The following ASB13 variants were observed in gnomAD, a reference collection of about 807,000 sequenced individuals.
The protein encoded by ASB13 is ankyrin repeat and SOCS box protein 13.
Under a neutral mutation model 28.8 loss-of-function variants are expected in ASB13, and 33 were observed. That is an observed-to-expected ratio of 1.15 (90% confidence interval 0.87 to 1.53). The LOEUF is 1.53. ASB13 is among the 40% of genes most tolerant of loss of function. The probability of loss-of-function intolerance (pLI) is 0.00; values close to 1 mark genes in which losing one functional copy is unlikely to be tolerated. For synonymous variants in ASB13, 182 were observed against 172.9 expected, an observed-to-expected ratio of 1.05 and a Z score of -0.41; for missense variants, 414 against 390.1, an observed-to-expected ratio of 1.06 and a Z score of -0.52.
chr10:5,649,764 G>A lies in ASB13; in HGVS notation c.383-660C>T, dbSNP rs567411409. On this transcript the variant is annotated intron_variant, in intron 3 of 5. Coordinates refer to ENST00000357700, the MANE Select transcript of ASB13 (RefSeq NM_024701.4). This position sits in a 1 kb window ranked among gnomAD's most constrained non-coding sequence, Gnocchi z 6.4. ...TGGTCTCAAACTCCTGACCTCAGGT[G>A]ATCCGCCCACCTCAGCCTCCCAAAG... 1.7e-4 allele frequency among the ~76,000 whole-genome samples: 26 copies of A among 152,174 alleles called. No homozygotes were observed. In the South Asian group the frequency reaches 5.4e-3, roughly 32 times the overall value.
rs1448408388 is a variant in ASB13, at chr10:5,661,214, C to T, written c.43+5295G>A. ...GGCCCCTGCACACTGCAGAGCTGGG[C>T]ACCTCCAGAGCCCATCCTCCACACT... On this transcript the variant is annotated intron_variant, in intron 1 of 5. Coordinates refer to ENST00000357700, the MANE Select transcript of ASB13 (RefSeq NM_024701.4). The surrounding 1 kb of genome is among the most constrained non-coding windows in gnomAD (Gnocchi z 4.9). Among the ~76,000 whole-genome samples, 3 of 152,234 alleles carry T rather than the reference C, an allele frequency of 2.0e-5. No homozygotes were observed. In the South Asian group the frequency reaches 6.2e-4, roughly 32 times the overall value.
rs772823016 is a variant in ASB13, at chr10:5,652,904, G to A, written c.190C>T (p.Gln64Ter). ...TPLHAASLQG[Q>*]ARCVQLLLAA... Reference sequence around the variant, plus strand: ...AGCAGCAGCTGCACACACCGCGCCTGGCCCTGCAGACTGGCTGCGTGCAGG... The same window carrying A: ...AGCAGCAGCTGCACACACCGCGCCTAGCCCTGCAGACTGGCTGCGTGCAGG... Residue 64 changes from glutamine to a stop codon, truncating the protein, a stop_gained, in exon 2 of 6, where the codon CAG (glutamine) becomes TAG (stop). Transcript: ENST00000357700. LOFTEE classifies it high-confidence loss of function. The surrounding 1 kb of genome is among the most constrained non-coding windows in gnomAD (Gnocchi z 5.0). 6 of 1,583,668 alleles carry A rather than the reference G, an allele frequency of 3.8e-6. No individual in the cohort carries two copies. The African/African-American group carries it at 6.7e-5, about 18-fold the overall frequency.
At position 5,662,564 on chromosome 10, in the gene ASB13, G is replaced by A. The variant is rs369574225; in HGVS notation, c.43+3945C>T. Among the ~76,000 whole-genome samples, 132 of 19,070 alleles carry A rather than the reference G, an allele frequency of 6.9e-3. 5 individuals are homozygous for A. Among genetic ancestry groups the A allele is most frequent in the South Asian group, 0.021 (8 of 388 alleles). 12.5% of individuals were successfully genotyped at this position (19,070 alleles called of 152,430 possible). On this transcript the variant is annotated intron_variant, in intron 1 of 5. Transcript: ENST00000357700. ...GGGAGGGGAGGGGAGGGGAGGGGAG[G>A]GGAGAAGAGAAGAGAAGAGAAGAGA...
rs1015946297 is a variant in ASB13, at chr10:5,652,307, C to G, written c.231+556G>C. ...GAACTCTGAGACCAGGTCCCTGTGT[C>G]ACTTATACATTGGCCAGGGGTGTGC... On this transcript the variant is annotated intron_variant, in intron 2 of 5. Coordinates refer to ENST00000357700, the MANE Select transcript of ASB13 (RefSeq NM_024701.4). The surrounding 1 kb of genome is among the most constrained non-coding windows in gnomAD (Gnocchi z 5.0). Among the ~76,000 whole-genome samples the G allele has an allele frequency of 2.0e-5, 3 of 152,300 alleles. No homozygotes were observed. Among genetic ancestry groups the G allele is most frequent in the South Asian group, 4.1e-4 (2 of 4,826 alleles).
rs1835126027 is a variant in ASB13 at position 5,659,541 on chromosome 10, T to C, written c.44-6491A>G. Among the ~76,000 whole-genome samples, 1 of 152,196 alleles carries C rather than the reference T, an allele frequency of 6.6e-6. No homozygotes were observed. Among genetic ancestry groups the C allele is most frequent in the Non-Finnish European group, 1.5e-5 (1 of 68,030 alleles). On this transcript the variant is annotated intron_variant, in intron 1 of 5. Coordinates refer to ENST00000357700, the MANE Select transcript of ASB13 (RefSeq NM_024701.4). The surrounding 1 kb of genome is among the most constrained non-coding windows in gnomAD (Gnocchi z 5.8). ...TGCAAGTCCCATGCTTTGCGTATGC[T>C]GTTCCTTCCCCTGCCTGGAAAGCTC...
chr10:5,653,200 C>T (rs1835017719), intron 1 of ASB13, 150 bp from the exon 2 acceptor site: 3 of 883,240 alleles, frequency 3.4e-6, no homozygotes, highest in African/African-American at 3.4e-5. Flanking sequence ...CCCTGAGCCA[C>T]CCCCACTGCC....
In ASB13 at chr10:5,651,171, T is replaced by G. The variant is rs557399330; in HGVS notation, c.382+42A>C. ...CTTTAATCCCAGAAAGGAGGAAACT[T>G]CCAGAGCCCAGCTGGGCCAGCCCAG... On this transcript the variant is annotated intron_variant, in intron 3 of 5. Transcript: ENST00000357700. The surrounding 1 kb of genome is among the most constrained non-coding windows in gnomAD (Gnocchi z 5.1). 2.6e-6 allele frequency: 4 copies of G among 1,557,222 alleles called. No homozygotes were observed. The South Asian group carries it at 3.6e-5, about 14-fold the overall frequency.
chr10:5,646,688 G>C (rs1420691500), intron 4 of ASB13, among the ~76,000 whole-genome samples: 3 of 152,182 alleles, frequency 2.0e-5, no homozygotes, highest in African/African-American at 7.2e-5. Context: ...GTGGCTTCCT[G>C]TTACTCGCAA....
At chr10:5,666,468 C>T (rs1316915323) in intron 1 of ASB13, 41 bp downstream of exon 1, 2 of 1,278,840 alleles carry the variant, frequency 1.6e-6, no homozygotes, top group Admixed American at 3.6e-5. Context: ...CAGGAGCCGG[C>T]GCCGCTGCCT....
chr10:5,640,430 G>A lies in ASB13; in HGVS notation c.*273C>T, dbSNP rs944188312. ...GGATGGTCCGTAAAAGAGGAAAACT[G>A]GATGGTTGGGCCCATGCCCATTGAG... On this transcript the variant is annotated 3_prime_UTR_variant, in exon 6 of 6. Coordinates refer to ENST00000357700, the MANE Select transcript of ASB13 (RefSeq NM_024701.4). The A allele has an allele frequency of 1.6e-5, 6 of 366,168 alleles. No individual in the cohort carries two copies. The highest frequency in any genetic ancestry group is 1.2e-4 in the African/African-American group (6 of 48,222). 22.7% of individuals were successfully genotyped at this position (366,168 alleles called of 1,614,324 possible).
rs944977425 is a variant in ASB13 at position 5,649,285 on chromosome 10, C to T, written c.383-181G>A. ...GCATGGCCCTCAGGAAGCCAGGACA[C>T]GGCTCTGCGCCCCGCTGAGGACGGA... On this transcript the variant is annotated intron_variant, in intron 3 of 5. Coordinates refer to ENST00000357700, the MANE Select transcript of ASB13 (RefSeq NM_024701.4). This position sits in a 1 kb window ranked among gnomAD's most constrained non-coding sequence, Gnocchi z 6.4. Among the ~76,000 whole-genome samples, 6 of 152,192 alleles carry T rather than the reference C, an allele frequency of 3.9e-5. No individual in the cohort carries two copies. The highest frequency in any genetic ancestry group is 5.9e-5 in the Non-Finnish European group (4 of 68,038).
chr10:5,641,996 G>A lies in ASB13; in HGVS notation c.518-35C>T. ...AAGAGTGCAGAAGAGATTTCACCAA[G>A]AAGAGAACTTGAAGTCAGGGGGACA... On this transcript the variant is annotated intron_variant, in intron 4 of 5. Transcript: ENST00000357700. This position sits in a 1 kb window ranked among gnomAD's most constrained non-coding sequence, Gnocchi z 8.4. 1 of 1,581,690 alleles carries A rather than the reference G, an allele frequency of 6.3e-7. No homozygotes were observed. Among genetic ancestry groups the A allele is most frequent in the Non-Finnish European group, 8.7e-7 (1 of 1,154,416 alleles).
At position 5,644,688 on chromosome 10, in the gene ASB13, C is replaced by T. The variant is rs1588507876; in HGVS notation, c.518-2727G>A. 6.6e-6 allele frequency among the ~76,000 whole-genome samples: 1 copy of T among 151,968 alleles called. No homozygotes were observed. The highest frequency in any genetic ancestry group is 1.5e-5 in the Non-Finnish European group (1 of 68,008). On this transcript the variant is annotated intron_variant, in intron 4 of 5. Transcript: ENST00000357700. The surrounding 1 kb of genome is among the most constrained non-coding windows in gnomAD (Gnocchi z 5.1). ...CAAAAATTACCTGGGCGTGGTGGTG[C>T]ACATCTATAATCCCAGCTACTCAGG...
chr10:5,646,795 C>T (rs879751184), intron 4 of ASB13, among the ~76,000 whole-genome samples: 3 of 152,066 alleles, frequency 2.0e-5, no homozygotes, highest in Non-Finnish European at 4.4e-5. Context: ...CCAAACAGAA[C>T]GAAGGTAAAA....
Position 5,644,713 on chromosome 10 carries a change from G to T in ASB13, c.518-2752C>A, listed in dbSNP as rs1834857216. On this transcript the variant is annotated intron_variant, in intron 4 of 5. Coordinates refer to ENST00000357700, the MANE Select transcript of ASB13 (RefSeq NM_024701.4). This position sits in a 1 kb window ranked among gnomAD's most constrained non-coding sequence, Gnocchi z 5.1. ...CACATCTATAATCCCAGCTACTCAG[G>T]AGGCTCAGGCATGAGAATCGCTTGA... 6.6e-6 allele frequency among the ~76,000 whole-genome samples: 1 copy of T among 151,902 alleles called. No individual in the cohort carries two copies.
Position 5,641,537 on chromosome 10 carries a change from A to G in ASB13, c.709+233T>C, listed in dbSNP as rs1343591349. Among the ~76,000 whole-genome samples, 1 of 152,232 alleles carries G rather than the reference A, an allele frequency of 6.6e-6. No homozygotes were observed. The highest frequency in any genetic ancestry group is 1.5e-5 in the Non-Finnish European group (1 of 68,030). The stretch of plus-strand genomic sequence containing the variant: ...GGAGGCACAGGTCTGGTGCCCGGGC[A>G]GGTGTCGGCCACAGCTTCTGCTGCT... On this transcript the variant is annotated intron_variant, in intron 5 of 5. Transcript: ENST00000357700. The surrounding 1 kb of genome is among the most constrained non-coding windows in gnomAD (Gnocchi z 8.4).
At position 5,652,898 on chromosome 10, in the gene ASB13, G is replaced by A. The variant is rs372477559; in HGVS notation, c.196C>T (p.Arg66Trp). The change falls in exon 2 of 6, where the codon CGG (arginine) becomes TGG (tryptophan). Residue 66 changes from arginine (R) to tryptophan (W), a missense_variant. Transcript: ENST00000357700. The surrounding 1 kb of genome is among the most constrained non-coding windows in gnomAD (Gnocchi z 5.0). ...GCCGCCAGCAGCAGCTGCACACACC[G>A]CGCCTGGCCCTGCAGACTGGCTGCG... The part of the protein sequence containing the change: ...LHAASLQGQA[R>W]CVQLLLAAGA... 232 of 1,580,928 alleles carry A rather than the reference G, an allele frequency of 1.5e-4. No homozygotes were observed. Among genetic ancestry groups the A allele is most frequent in the South Asian group, 5.7e-4 (49 of 86,214 alleles).
chr10:5,653,870 T>C (rs572837977), intron 1 of ASB13, among the ~76,000 whole-genome samples: 1 of 152,066 alleles, frequency 6.6e-6, no homozygotes, highest in African/African-American at 2.4e-5. Context: ...TCAGTAGAGA[T>C]GGGGTTTCAC....
intron 4 of ASB13, 38 bp downstream of exon 4, chr10:5,648,932 A>T: frequency 6.2e-7 from 1 of 1,608,776 alleles, no homozygotes. Flanking sequence ...GCAAACACCC[A>T]CTCAGGTAAA....
Sources: gnomAD v4.1 joint callset for allele counts (sites outside exome capture counted in the v4.1 genomes callset) on GRCh38, gnomAD v4.1.1 for gene constraint, Gnocchi (gnomAD v3.1) non-coding constraint, MANE v1.5 for transcripts, NCBI Gene and HGNC (gene_info 2026-07-23, HGNC 2026-07-21) for gene names.